UBE2D3: variants seen among roughly 807,000 people sequenced by gnomAD.
UBE2D3 encodes ubiquitin conjugating enzyme E2 D3.
In UBE2D3, 2 loss-of-function variants were observed where a neutral mutation model predicts 22.8. That is an observed-to-expected ratio of 0.09 (90% confidence interval 0.04 to 0.28). UBE2D3 has a LOEUF of 0.28. Ranked by LOEUF, UBE2D3 falls within the 10% of genes least tolerant of loss-of-function variation. The pLI is 1.00. For synonymous variants in UBE2D3, 56 were observed against 60.4 expected, an observed-to-expected ratio of 0.93 and a Z score of 0.34; for missense variants, 27 against 182.5, an observed-to-expected ratio of 0.15 and a Z score of 4.91.
intron 4 of UBE2D3, chr4:102,809,445 C>T (rs1727602200): frequency 1.9e-6 from 1 of 533,476 alleles, no homozygotes; most frequent in African/African-American, 1.9e-5. Context: ...TTTGGTAGGT[C>T]ATAGAGATGG....
intron 1 of UBE2D3, among the ~76,000 whole-genome samples, chr4:102,835,141 A>G (rs533289514): frequency 6.6e-5 from 10 of 152,346 alleles, no homozygotes; most frequent in Non-Finnish European, 7.4e-5. Flanking sequence ...TAACATGTGA[A>G]GCAAATACAA....
At position 102,796,097 on chromosome 4, in the gene UBE2D3, CAT is replaced by C. The variant is rs1287351264; in HGVS notation, c.*1316_*1317del. 4 of 152,520 alleles carry C rather than the reference CAT, an allele frequency of 2.6e-5. No individual in the cohort carries two copies. Among genetic ancestry groups the C allele is most frequent in the Admixed American group, 1.3e-4 (2 of 15,258 alleles). 9.4% of individuals were successfully genotyped at this position (152,520 alleles called of 1,614,324 possible). A position where few individuals can be genotyped will look rare whatever the true frequency, so the allele number is the denominator to read the frequency against. ...ATTTCAATGGATACTCAATATCCCA[CAT>C]AGATAAGTCACTTCAACACAGCCTC... On this transcript the variant is annotated 3_prime_UTR_variant, in exon 8 of 8. Transcript: ENST00000453744.
At chr4:102,868,732 G>T (rs764625985) in exon 1 of UBE2D3, 2 of 1,614,048 alleles carry the variant, frequency 1.2e-6, no homozygotes, top group Non-Finnish European at 1.7e-6. Flanking sequence ...AGGCACTTTC[G>T]GTTAGAAAGC....
At chr4:102,862,111 C>T (rs779691187) in intron 1 of UBE2D3, among the ~76,000 whole-genome samples, 8 of 151,802 alleles carry the variant, frequency 5.3e-5, no homozygotes, top group South Asian at 2.1e-4. Context: ...AAAATAGTTT[C>T]GCCATGTTAT....
At chr4:102,817,945 C>A (rs1729014568) in intron 2 of UBE2D3, among the ~76,000 whole-genome samples, 1 of 152,080 alleles carries the variant, frequency 6.6e-6, no homozygotes, top group African/African-American at 2.4e-5. Context: ...GGGACAAAAA[C>A]ACTAAAAAAT....
intron 7 of UBE2D3, chr4:102,798,876 C>G (rs1309575433): frequency 2.6e-6 from 4 of 1,557,060 alleles, no homozygotes; most frequent in Non-Finnish European, 3.5e-6. Flanking sequence ...ATGCAGCACT[C>G]AAGTGCTGGC....
At chr4:102,826,915 G>T (rs1221206275) in intron 1 of UBE2D3, 1 of 1,023,430 alleles carries the variant, frequency 9.8e-7, no homozygotes, top group Non-Finnish European at 1.2e-6. Flanking sequence ...GGCAGGGTCC[G>T]GAGCCCAGCA....
chr4:102,806,493 T>C (rs1578230861), intron 4 of UBE2D3, among the ~76,000 whole-genome samples: 1 of 152,246 alleles, frequency 6.6e-6, no homozygotes, highest in Non-Finnish European at 1.5e-5. Context: ...AATGACATAA[T>C]AATACACTTG....
At chr4:102,800,906 A>T (rs890876568) in intron 6 of UBE2D3, among the ~76,000 whole-genome samples, 2 of 152,064 alleles carry the variant, frequency 1.3e-5, no homozygotes, top group African/African-American at 4.8e-5. Context: ...ATATAACGTA[A>T]CAGATACCTA....
rs760204555 is a variant in UBE2D3, at chr4:102,809,713, G to GA, written c.89-11dup. On this transcript the variant is annotated splice_polypyrimidine_tract_variant and intron_variant, in intron 3 of 7. Transcript: ENST00000453744. ...GCTTGCCAATGAAACACTAGAAAAA[G>GA]AAAAAAAACTCTGGTTATCTAAAAA... 4.3e-5 allele frequency: 70 copies of GA among 1,610,146 alleles called. No homozygotes were observed. Among genetic ancestry groups the GA allele is most frequent in the Middle Eastern group, 3.3e-4 (2 of 6,044 alleles).
chr4:102,848,560 G>A (rs1034811156), intron 1 of UBE2D3, among the ~76,000 whole-genome samples: 6 of 152,082 alleles, frequency 3.9e-5, no homozygotes, highest in Non-Finnish European at 7.4e-5. Context: ...CAGGAGAATC[G>A]CATGAACCTG....
At chr4:102,846,499 T>C (rs1732047623) in intron 1 of UBE2D3, among the ~76,000 whole-genome samples, 1 of 152,240 alleles carries the variant, frequency 6.6e-6, no homozygotes, top group South Asian at 2.1e-4. Context: ...TCATATATGC[T>C]GTCCAAGTTT....
At chr4:102,827,575 C>T (rs530650002), upstream of UBE2D3, 7 of 986,926 alleles carry the variant, frequency 7.1e-6, no homozygotes, top group East Asian at 3.4e-4. Context: ...ACGCTCCGCC[C>T]CTCCCCCTCC....
chr4:102,840,174 A>G (rs1434520636), intron 1 of UBE2D3, among the ~76,000 whole-genome samples: 1 of 152,238 alleles, frequency 6.6e-6, no homozygotes, highest in Non-Finnish European at 1.5e-5. Flanking sequence ...AAATTAATAC[A>G]GCCTCTATGG....
chr4:102,813,335 C>T (rs536330063), intron 2 of UBE2D3, among the ~76,000 whole-genome samples: 4 of 152,118 alleles, frequency 2.6e-5, no homozygotes, highest in Non-Finnish European at 4.4e-5. Flanking sequence ...TGCAGGTACG[C>T]ATCACTATGT....
chr4:102,811,765 AG>A (rs1384471814), intron 2 of UBE2D3: 3 of 448,520 alleles, frequency 6.7e-6, no homozygotes, highest in Non-Finnish European at 1.3e-5. Context: ...TAAATAAAAA[AG>A]ATACAACAGA....
intron 2 of UBE2D3, among the ~76,000 whole-genome samples, chr4:102,819,926 A>C (rs1729332888): frequency 2.0e-5 from 3 of 152,220 alleles, no homozygotes; most frequent in Admixed American, 2.0e-4. Flanking sequence ...CATGACTCAA[A>C]AGACAAGATT....
At chr4:102,799,210 T>A (rs1191553324) in intron 7 of UBE2D3, among the ~76,000 whole-genome samples, 197 bp downstream of exon 7, 1 of 151,712 alleles carries the variant, frequency 6.6e-6, no homozygotes. Context: ...CAATAAAACA[T>A]TTTAGAGGGG....
At chr4:102,810,036 TTAGC>T (rs1727701009) in intron 2 of UBE2D3, 181 bp from the exon 3 acceptor site, 2 of 585,696 alleles carry the variant, frequency 3.4e-6, no homozygotes, top group Non-Finnish European at 6.0e-6. Flanking sequence ...GACAATCATC[TTAGC>T]TAGAGTTCGT....
Sources: gnomAD v4.1 joint callset for allele counts (sites outside exome capture counted in the v4.1 genomes callset) on GRCh38, gnomAD v4.1.1 for gene constraint, MANE v1.5 for transcripts, NCBI Gene and HGNC (gene_info 2026-07-23, HGNC 2026-07-21) for gene names.